Variants in MXD1 observed in about 807,000 individuals in gnomAD.
The protein encoded by MXD1 is MAX-binding protein.
A neutral mutation model predicts 25.7 loss-of-function variants in MXD1; 9 were observed. The observed-to-expected ratio is 0.35, with a 90% CI of 0.21 to 0.61. The LOEUF is 0.61. MXD1 is among the 20% of genes least tolerant of loss of function. The pLI, the probability that MXD1 is intolerant of heterozygous loss-of-function variation, is 0.75. For missense variants in MXD1, 227 were observed against 292.4 expected, an observed-to-expected ratio of 0.78 and a Z score of 1.63; for synonymous variants, 99 against 113.9, an observed-to-expected ratio of 0.87 and a Z score of 0.83.
At chr2:69,917,081 G>T (rs1204701901) in intron 2 of MXD1, among the ~76,000 whole-genome samples, 1 of 151,994 alleles carries the variant, frequency 6.6e-6, no homozygotes, top group East Asian at 1.9e-4. Flanking sequence ...TGACCTTTTC[G>T]TCACTAGTTT....
rs1462777743 is a variant in MXD1 at position 69,915,109 on chromosome 2, G to C, written c.-222G>C. 1 of 405,648 alleles carries C rather than the reference G, an allele frequency of 2.5e-6. No homozygotes were observed. The allele number at this position is 405,648 out of a possible 1,614,324, so 25.1% of individuals were successfully genotyped here. A position where few individuals can be genotyped will look rare whatever the true frequency, so the allele number is the denominator to read the frequency against. On this transcript the variant is annotated 5_prime_UTR_variant, in exon 1 of 6. Transcript: ENST00000264444. This position sits in a 1 kb window ranked among gnomAD's most constrained non-coding sequence, Gnocchi z 5.8. ...ACACTCCGCGGCGGTGGCGGCTGCT[G>C]CTCTGCTCCGGGTTCTGTCACTGTG...
At chr2:69,918,703 C>T (rs999580576) in intron 2 of MXD1, among the ~76,000 whole-genome samples, 3 of 151,998 alleles carry the variant, frequency 2.0e-5, no homozygotes, top group East Asian at 1.9e-4. Context: ...TCAGATACGC[C>T]GTAATTTGGC....
At position 69,937,221 on chromosome 2, in the gene MXD1, C is replaced by G. The variant is rs1316796275; in HGVS notation, c.319-14C>G. On this transcript the variant is annotated splice_polypyrimidine_tract_variant and intron_variant, in intron 4 of 5. Coordinates refer to ENST00000264444, the MANE Select transcript of MXD1 (RefSeq NM_002357.4). ...CTCCCTGTGGGGCCCAACAACTACC[C>G]CTTTGACTTGCAGAAACTTGAAGAT... is the stretch of plus-strand genomic sequence containing the variant. 6.2e-7 allele frequency: 1 copy of G among 1,612,380 alleles called. No individual in the cohort carries two copies. The highest frequency in any genetic ancestry group is 1.7e-5 in the Admixed American group (1 of 59,904).
chr2:69,918,158 G>A (rs1156547098), intron 2 of MXD1, among the ~76,000 whole-genome samples: 1 of 152,214 alleles, frequency 6.6e-6, no homozygotes, highest in Non-Finnish European at 1.5e-5. Context: ...CCTCAGCCAT[G>A]TATGGTCAGA....
intron 5 of MXD1, 109 bp from the exon 6 acceptor site, chr2:69,937,988 C>T (rs1266862277): frequency 2.0e-6 from 2 of 986,444 alleles, no homozygotes; most frequent in Non-Finnish European, 3.0e-6. Context: ...CTCAAGTGAT[C>T]CACCCGCCTT....
intron 3 of MXD1, among the ~76,000 whole-genome samples, chr2:69,927,708 G>A (rs529491585): frequency 1.3e-5 from 2 of 152,176 alleles, no homozygotes; most frequent in Admixed American, 6.5e-5. Context: ...TTAATGTGGT[G>A]TACTTATGTA....
chr2:69,922,338 C>T (rs1677083164), intron 3 of MXD1, among the ~76,000 whole-genome samples: 1 of 152,170 alleles, frequency 6.6e-6, no homozygotes, highest in Admixed American at 6.5e-5. Flanking sequence ...TCTCTCTCAC[C>T]TGGATTGCCT....
intron 3 of MXD1, among the ~76,000 whole-genome samples, chr2:69,932,350 C>G (rs113606061): frequency 6.6e-6 from 1 of 152,138 alleles, no homozygotes; most frequent in East Asian, 1.9e-4. Flanking sequence ...TATGATAGAA[C>G]TGAGTCTACT....
At chr2:69,921,353 G>A (rs1558568134) in intron 2 of MXD1, among the ~76,000 whole-genome samples, 2 of 152,156 alleles carry the variant, frequency 1.3e-5, no homozygotes, top group Non-Finnish European at 2.9e-5. Context: ...TGCAGGGGTG[G>A]GGTAGGGGTG....
intron 3 of MXD1, among the ~76,000 whole-genome samples, chr2:69,922,863 G>C (rs1677091676): frequency 7.1e-6 from 1 of 141,506 alleles, no homozygotes; most frequent in Non-Finnish European, 1.5e-5. Context: ...TTGGGCAACA[G>C]AGTGAGACTC....
chr2:69,926,338 CTT>C (rs982138907), intron 3 of MXD1, among the ~76,000 whole-genome samples: 1 of 146,440 alleles, frequency 6.8e-6, no homozygotes. Context: ...TTTCATTCTC[CTT>C]TTTTTTTTTC....
intron 3 of MXD1, among the ~76,000 whole-genome samples, chr2:69,926,091 CT>C (rs1677164594): frequency 6.6e-6 from 1 of 152,056 alleles, no homozygotes; most frequent in Non-Finnish European, 1.5e-5. Context: ...AAGAATTTAT[CT>C]TTTTCTTTAT....
chr2:69,923,553 C>T (rs1270587841), intron 3 of MXD1, among the ~76,000 whole-genome samples: 2 of 150,720 alleles, frequency 1.3e-5, no homozygotes, highest in South Asian at 2.1e-4. Flanking sequence ...GGGAAGAGGG[C>T]GGTTAGCTTT....
chr2:69,933,221 A>C (rs1335296433), intron 3 of MXD1, among the ~76,000 whole-genome samples: 27 of 136,732 alleles, frequency 2.0e-4, no homozygotes, highest in African/African-American at 6.6e-4. Flanking sequence ...AAAAAAAAAA[A>C]AAACAAAAAA....
intron 2 of MXD1, among the ~76,000 whole-genome samples, chr2:69,917,728 C>T (rs1676986519): frequency 1.3e-5 from 2 of 151,262 alleles, no homozygotes; most frequent in Admixed American, 1.3e-4. Context: ...TGGCTTGGTC[C>T]CAAAAGGTGA....
At chr2:69,937,126 G>T (rs1451824669) in intron 4 of MXD1, 109 bp from the exon 5 acceptor site, 1 of 1,399,292 alleles carries the variant, frequency 7.1e-7, no homozygotes. Flanking sequence ...GCACCGAAAG[G>T]CGTCTGAGGA....
chr2:69,936,498 A>G (rs1467931304), intron 4 of MXD1, among the ~76,000 whole-genome samples: 6 of 152,200 alleles, frequency 3.9e-5, no homozygotes, highest in South Asian at 2.1e-4. Context: ...GCATGTTTGT[A>G]TAATCATATT....
rs568568733 is a variant in MXD1 at position 69,929,270 on chromosome 2, A to G, written c.204-6081A>G. Among the ~76,000 whole-genome samples the G allele has an allele frequency of 2.6e-5, 4 of 152,112 alleles. No individual in the cohort carries two copies. The South Asian group carries it at 8.3e-4, about 32-fold the overall frequency. ...TTCAAACACACACACATACCCACAC[A>G]CCCTTCATTTGGTACCACTTCTGGT... On this transcript the variant is annotated intron_variant, in intron 3 of 5. Coordinates refer to ENST00000264444, the MANE Select transcript of MXD1 (RefSeq NM_002357.4).
chr2:69,936,903 G>A (rs192302391), intron 4 of MXD1: 14 of 484,928 alleles, frequency 2.9e-5, no homozygotes, highest in African/African-American at 2.2e-4. Flanking sequence ...TCAGGGGATT[G>A]CTGCAAACAA....
Sources: gnomAD v4.1 joint callset for allele counts (sites outside exome capture counted in the v4.1 genomes callset) on GRCh38, gnomAD v4.1.1 for gene constraint, Gnocchi (gnomAD v3.1) non-coding constraint, MANE v1.5 for transcripts, NCBI Gene and HGNC (gene_info 2026-07-23, HGNC 2026-07-21) for gene names.